SLC14A2: variants seen among roughly 807,000 people sequenced by gnomAD.
SLC14A2 encodes urea transporter 2.
A neutral mutation model predicts 104.6 loss-of-function variants in SLC14A2; 91 were observed. The observed-to-expected ratio is 0.87, with a 90% CI of 0.73 to 1.04. SLC14A2 has a LOEUF of 1.04. Among genes scored for constraint, SLC14A2 ranks in the 50% least tolerant of loss-of-function variants. The pLI is 0.00. For synonymous variants in SLC14A2, 476 were observed against 466.4 expected, an observed-to-expected ratio of 1.02 and a Z score of -0.27; for missense variants, 1,189 against 1,156.0, an observed-to-expected ratio of 1.03 and a Z score of -0.41.
intron 2 of SLC14A2, among the ~76,000 whole-genome samples, chr18:45,604,586 G>T (rs1276540759): frequency 2.6e-5 from 4 of 152,176 alleles, no homozygotes; most frequent in Admixed American, 2.6e-4. Context: ...GTGAAACTCT[G>T]CACAGTCAGA....
chr18:45,638,162 TA>T (rs1282957824), intron 6 of SLC14A2, among the ~76,000 whole-genome samples: 1 of 152,184 alleles, frequency 6.6e-6, no homozygotes, highest in Non-Finnish European at 1.5e-5. Flanking sequence ...GGATATTTAT[TA>T]AATAGACTTC....
chr18:45,671,262 C>CCCA lies in SLC14A2; in HGVS notation c.2230-1618_2230-1616dup, dbSNP rs373334975. ...AATAATCCTGTACAAACACTTGAGA[C>CCCA]CCACCACCACCACCACCACCACTCC... On this transcript the variant is annotated intron_variant, in intron 16 of 19. Transcript: ENST00000255226. Among the ~76,000 whole-genome samples, 47 of 151,674 alleles carry CCCA rather than the reference C, an allele frequency of 3.1e-4. 1 individual carries two copies. Among genetic ancestry groups the CCCA allele is most frequent in the Admixed American group, 9.8e-4 (15 of 15,240 alleles).
intron 1 of SLC14A2, among the ~76,000 whole-genome samples, chr18:45,279,372 T>C (rs1049374167): frequency 6.6e-6 from 1 of 152,204 alleles, no homozygotes; most frequent in African/African-American, 2.4e-5. Flanking sequence ...TCCTCATATA[T>C]CACTTTGAGG....
At chr18:45,577,047 CAGAG>C (rs564647887) in intron 2 of SLC14A2, among the ~76,000 whole-genome samples, 87 of 152,200 alleles carry the variant, frequency 5.7e-4, no homozygotes, top group Middle Eastern at 6.8e-3. Flanking sequence ...AGGCCTGAAA[CAGAG>C]AGGTCTGGAG....
intron 1 of SLC14A2, among the ~76,000 whole-genome samples, chr18:45,446,173 G>A (rs183708741): frequency 6.6e-6 from 1 of 152,200 alleles, no homozygotes; most frequent in Non-Finnish European, 1.5e-5. Flanking sequence ...TGTGATTATT[G>A]TTAATATAAT....
At position 45,235,871 on chromosome 18, in the gene SLC14A2, A is replaced by ATATGTATATATACATATATGTGTGTATG. The variant is rs1568113667; in HGVS notation, c.-125+22708_-125+22735dup. Among the ~76,000 whole-genome samples the ATATGTATATATACATATATGTGTGTATG allele has an allele frequency of 2.6e-3, 258 of 101,040 alleles. 65 individuals are homozygous for ATATGTATATATACATATATGTGTGTATG. Among genetic ancestry groups the ATATGTATATATACATATATGTGTGTATG allele is most frequent in the East Asian group, 3.5e-3 (14 of 4,028 alleles). The allele number at this position is 101,040 out of a possible 152,430, so 66.3% of individuals were successfully genotyped here. On this transcript the variant is annotated intron_variant, in intron 1 of 20. Transcript: ENST00000586448. ...TGTATATATACATATATGTGTGTATATATGTATATATACATATATGTGTGT... is the reference window on the plus strand; with the variant it reads ...TGTATATATACATATATGTGTGTATATATGTATATATACATATATGTGTGTATGTATGTATATATACATATATGTGTGT...
chr18:45,249,338 C>CTG (rs1352962884), intron 1 of SLC14A2, among the ~76,000 whole-genome samples: 17 of 148,852 alleles, frequency 1.1e-4, no homozygotes, highest in Non-Finnish European at 1.8e-4. Context: ...GTATTGCTAA[C>CTG]TGTGTGTGTG....
intron 2 of SLC14A2, among the ~76,000 whole-genome samples, chr18:45,541,999 A>G (rs892333415): frequency 7.7e-6 from 1 of 129,420 alleles, no homozygotes; most frequent in Admixed American, 8.7e-5. Context: ...TACAAGGAGC[A>G]TCTTTCCTAG....
chr18:45,476,925 A>G (rs938829846), intron 1 of SLC14A2, among the ~76,000 whole-genome samples: 2 of 152,200 alleles, frequency 1.3e-5, no homozygotes, highest in Admixed American at 6.5e-5. Flanking sequence ...TTGGGTTAGA[A>G]CATGCTTCTT....
At chr18:45,390,970 G>A (rs1011680549) in intron 1 of SLC14A2, among the ~76,000 whole-genome samples, 1 of 152,106 alleles carries the variant, frequency 6.6e-6, no homozygotes, top group East Asian at 1.9e-4. Context: ...GGGTACATGT[G>A]CACAATGTGC....
rs560281344 is a variant in SLC14A2, at chr18:45,458,525, C to T, written c.-124-24708C>T. Among the ~76,000 whole-genome samples the T allele has an allele frequency of 3.9e-5, 6 of 152,142 alleles. No individual in the cohort carries two copies. The East Asian group carries it at 7.7e-4, about 20-fold the overall frequency. On this transcript the variant is annotated intron_variant, in intron 1 of 20. Transcript: ENST00000586448. ...CTCTACTCCCACACTTAAAAGTCTC[C>T]GTTTTCTCTCTGTGACATCATGCTT...
At chr18:45,331,141 C>T (rs1345712196) in intron 1 of SLC14A2, among the ~76,000 whole-genome samples, 1 of 152,202 alleles carries the variant, frequency 6.6e-6, no homozygotes, top group Non-Finnish European at 1.5e-5. Context: ...ATATTCCTAG[C>T]AAGTACTGCA....
chr18:45,200,646 G>A, the SLC14A2 span, among the ~76,000 whole-genome samples: 4 of 152,064 alleles, frequency 2.6e-5, no homozygotes, highest in Non-Finnish European at 5.9e-5. Flanking sequence ...TAAACTCACA[G>A]AGACTAAGGA....
rs565657312 is a variant in SLC14A2, at chr18:45,369,150, A to T, written c.-124-114083A>T. ...ACACTGCTCATCTTTCCCTTTATGC[A>T]CCACTCACTAACCCTGATCCTCACC... On this transcript the variant is annotated intron_variant, in intron 1 of 20. Transcript: ENST00000586448. Among the ~76,000 whole-genome samples, 480 of 152,320 alleles carry T rather than the reference A, an allele frequency of 3.2e-3. 3 individuals are homozygous for T. The highest frequency in any genetic ancestry group is 5.2e-3 in the Non-Finnish European group (354 of 68,034).
chr18:45,565,244 C>T (rs1414265376), intron 2 of SLC14A2, among the ~76,000 whole-genome samples: 1 of 152,016 alleles, frequency 6.6e-6, no homozygotes, highest in Non-Finnish European at 1.5e-5. Context: ...CTTCCTTCAG[C>T]CTCCCGAGTA....
At chr18:45,473,786 G>C (rs1219485736) in intron 1 of SLC14A2, among the ~76,000 whole-genome samples, 1 of 152,178 alleles carries the variant, frequency 6.6e-6, no homozygotes, top group African/African-American at 2.4e-5. Context: ...GGGCTGAGAT[G>C]ATGGGGTTTT....
At chr18:45,467,921 G>A (rs1036395799) in intron 1 of SLC14A2, among the ~76,000 whole-genome samples, 5 of 152,128 alleles carry the variant, frequency 3.3e-5, no homozygotes, top group Non-Finnish European at 5.9e-5. Flanking sequence ...GAGAGGGGCT[G>A]GTCAGAACAA....
intron 2 of SLC14A2, among the ~76,000 whole-genome samples, chr18:45,561,446 G>A (rs1039751273): frequency 1.3e-5 from 2 of 152,122 alleles, no homozygotes; most frequent in African/African-American, 4.8e-5. Context: ...CAGAGGCCAC[G>A]TTCCTGGCCT....
At chr18:45,457,318 A>C (rs2086961791) in intron 1 of SLC14A2, among the ~76,000 whole-genome samples, 2 of 152,084 alleles carry the variant, frequency 1.3e-5, no homozygotes, top group Non-Finnish European at 2.9e-5. Flanking sequence ...ACCATCCCAG[A>C]CGTACAGCAT....
Sources: gnomAD v4.1 joint callset for allele counts (sites outside exome capture counted in the v4.1 genomes callset) on GRCh38, gnomAD v4.1.1 for gene constraint, MANE v1.5 for transcripts, NCBI Gene and HGNC (gene_info 2026-07-23, HGNC 2026-07-21) for gene names.